LARGE1: variants seen among roughly 807,000 people sequenced by gnomAD.
LARGE1 encodes xylosyl- and glucuronyltransferase LARGE1.
A neutral mutation model predicts 87.6 loss-of-function variants in LARGE1; 43 were observed. That is an observed-to-expected ratio of 0.49 (90% CI 0.38 to 0.63). LARGE1 has a LOEUF of 0.63. LARGE1 is among the 30% of genes least tolerant of loss of function. LARGE1 has a pLI of 0.00. For synonymous variants in LARGE1, 434 were observed against 394.6 expected (o/e 1.10, Z -1.18); for missense variants, 802 against 1,000.2 (o/e 0.80, Z 2.67).
intron 6 of LARGE1, among the ~76,000 whole-genome samples, chr22:33,551,925 C>T (rs527676349): frequency 2.9e-5 from 4 of 136,998 alleles, no homozygotes; most frequent in Admixed American, 8.5e-5. Flanking sequence ...ACCCGGGAGG[C>T]GGAGCATGCA....
intron 3 of LARGE1, among the ~76,000 whole-genome samples, chr22:33,628,121 C>T (rs1200193674): frequency 6.6e-6 from 1 of 152,068 alleles, no homozygotes; most frequent in Non-Finnish European, 1.5e-5. Flanking sequence ...AGGGGAGATG[C>T]AAGAGAGGAA....
chr22:33,307,775 CT>C (rs3216417), intron 11 of LARGE1, among the ~76,000 whole-genome samples: 141 of 144,594 alleles, frequency 9.8e-4, no homozygotes, highest in Middle Eastern at 3.6e-3. Context: ...TTTTTCTTTT[CT>C]TTTTTTTTTT....
At chr22:33,644,983 C>G (rs776772900) in intron 3 of LARGE1, among the ~76,000 whole-genome samples, 1 of 152,100 alleles carries the variant, frequency 6.6e-6, no homozygotes, top group African/African-American at 2.4e-5. Context: ...CCATACTGCC[C>G]GAAGTAATTT....
intron 6 of LARGE1, among the ~76,000 whole-genome samples, chr22:33,500,390 C>G (rs747779476): frequency 6.6e-6 from 1 of 152,174 alleles, no homozygotes; most frequent in African/African-American, 2.4e-5. Flanking sequence ...AACTCCTAAT[C>G]TTACCTGTTC....
At chr22:33,818,632 C>G (rs1243571998) in intron 1 of LARGE1, among the ~76,000 whole-genome samples, 1 of 152,206 alleles carries the variant, frequency 6.6e-6, no homozygotes, top group Non-Finnish European at 1.5e-5. Context: ...ATTGTTCCTT[C>G]TGCTTCTTGA....
At position 33,326,410 on chromosome 22, in the gene LARGE1, AAC is replaced by A. The variant is rs200191674; in HGVS notation, c.1288-10164_1288-10163del. On this transcript the variant is annotated intron_variant, in intron 10 of 14. Transcript: ENST00000397394. ...GCAATGAAGCCAGTCACTAATTACA[AAC>A]ACAGTGCAATCACAACACAAACCTT... Among the ~76,000 whole-genome samples, 1,353 of 152,332 alleles carry A rather than the reference AAC, an allele frequency of 8.9e-3. 14 individuals carry two copies. The highest frequency in any genetic ancestry group is 0.03 in the African/African-American group (1,263 of 41,564).
At position 33,709,924 on chromosome 22, in the gene LARGE1, G is replaced by A. The variant is rs551260939; in HGVS notation, c.106+51447C>T. On this transcript the variant is annotated intron_variant, in intron 2 of 14. Coordinates refer to ENST00000397394, the MANE Select transcript of LARGE1 (RefSeq NM_133642.5). ...TTACAGGCGTGAGCCACCACGCTCA[G>A]CTGGCCAATGCTACTTTGATGTACT... 3.4e-5 allele frequency among the ~76,000 whole-genome samples: 5 copies of A among 147,988 alleles called. No homozygotes were observed. The East Asian group carries it at 1.0e-3, about 30-fold the overall frequency.
chr22:33,138,742 C>T, the LARGE1 span, among the ~76,000 whole-genome samples: 1 of 152,092 alleles, frequency 6.6e-6, no homozygotes, highest in Non-Finnish European at 1.5e-5. Context: ...CCACACCTGG[C>T]CAGGACTGTG....
chr22:33,491,859 T>C (rs779121069), intron 6 of LARGE1, among the ~76,000 whole-genome samples: 2 of 152,060 alleles, frequency 1.3e-5, no homozygotes, highest in Non-Finnish European at 2.9e-5. Context: ...TAAATTACTA[T>C]GAAATAAAGA....
intron 6 of LARGE1, among the ~76,000 whole-genome samples, chr22:33,509,303 G>C (rs1458747369): frequency 6.6e-6 from 1 of 152,004 alleles, no homozygotes; most frequent in Non-Finnish European, 1.5e-5. Context: ...CCTTCAACCT[G>C]ATCCAAGACC....
At chr22:33,234,788 G>T (rs955866217) in intron 11 of LARGE1, among the ~76,000 whole-genome samples, 6 of 152,112 alleles carry the variant, frequency 3.9e-5, no homozygotes, top group African/African-American at 1.4e-4. Context: ...TGATCTGCCT[G>T]CCTTGGCCTC....
chr22:33,310,366 T>C (rs1368375677), intron 11 of LARGE1, among the ~76,000 whole-genome samples: 1 of 152,158 alleles, frequency 6.6e-6, no homozygotes, highest in East Asian at 1.9e-4. Context: ...CTCCCTGGTG[T>C]GGTGTCAGAA....
At chr22:33,461,992 G>C (rs927544754) in intron 6 of LARGE1, among the ~76,000 whole-genome samples, 1 of 152,040 alleles carries the variant, frequency 6.6e-6, no homozygotes, top group African/African-American at 2.4e-5. Flanking sequence ...GCTCCTCCTG[G>C]GTTTCTAACA....
chr22:33,520,079 A>T (rs2071507651), intron 6 of LARGE1, among the ~76,000 whole-genome samples: 1 of 139,022 alleles, frequency 7.2e-6, no homozygotes, highest in African/African-American at 2.8e-5. Context: ...ATCAGAGCTC[A>T]CTGCAGCCTG....
chr22:33,921,365 G>C (rs1407120613), upstream of LARGE1, among the ~76,000 whole-genome samples: 1 of 152,214 alleles, frequency 6.6e-6, no homozygotes, highest in Non-Finnish European at 1.5e-5. The surrounding 1 kb of genome is among the most constrained non-coding windows in gnomAD (Gnocchi z 4.1). Flanking sequence ...GGCGTGCCTC[G>C]CGGAAAAAGG....
chr22:33,714,354 G>A (rs531105968), intron 2 of LARGE1, among the ~76,000 whole-genome samples: 26 of 152,202 alleles, frequency 1.7e-4, no homozygotes, highest in African/African-American at 6.0e-4. Flanking sequence ...TTCAACCCTC[G>A]GCTTCTCTGG....
chr22:33,541,613 G>C (rs927106503), intron 6 of LARGE1, among the ~76,000 whole-genome samples: 2 of 152,080 alleles, frequency 1.3e-5, no homozygotes, highest in African/African-American at 4.8e-5. Context: ...TCTTGAAAAG[G>C]TCTAGTCAAT....
At chr22:33,633,812 A>G (rs1338211620) in intron 3 of LARGE1, among the ~76,000 whole-genome samples, 1 of 152,212 alleles carries the variant, frequency 6.6e-6, no homozygotes, top group Non-Finnish European at 1.5e-5. Flanking sequence ...CTCCCAGAGG[A>G]CAGATGCTCT....
At chr22:33,801,084 T>A (rs1385868944) in intron 1 of LARGE1, among the ~76,000 whole-genome samples, 1 of 152,126 alleles carries the variant, frequency 6.6e-6, no homozygotes, top group Non-Finnish European at 1.5e-5. Flanking sequence ...AGATCTGAAG[T>A]GTTTATCAGG....
Sources: allele counts gnomAD v4.1 joint callset (sites outside exome capture counted in the v4.1 genomes callset), GRCh38; gene constraint gnomAD v4.1.1; non-coding constraint Gnocchi (gnomAD v3.1); transcripts MANE v1.5; gene names NCBI Gene and HGNC (gene_info 2026-07-23, HGNC 2026-07-21).